The following ABCG8 variants were observed in gnomAD, a reference collection of about 807,000 sequenced individuals.
ABCG8 encodes the protein ATP-binding cassette sub-family G member 8.
ABCG8 carries 81 observed loss-of-function variants against 71.3 expected under a neutral mutation model. That is an observed-to-expected ratio of 1.14 (90% confidence interval 0.95 to 1.37). The LOEUF is 1.37. Among genes scored for constraint, ABCG8 ranks in the 40% most tolerant of loss-of-function variants. ABCG8 has a pLI of 0.00. For synonymous variants in ABCG8, 451 were observed against 354.7 expected (o/e 1.27, Z -3.05); for missense variants, 1,119 against 866.2 (o/e 1.29, Z -3.66).
chr2:43,852,933 C>A, intron 6 of ABCG8, 65 bp downstream of exon 6: 2 of 1,580,834 alleles, frequency 1.3e-6, no homozygotes, highest in Non-Finnish European at 1.7e-6. Flanking sequence ...TTAAACCCTG[C>A]CCAAGCTTGC....
chr2:43,871,181 T>C (rs1273577565), intron 6 of ABCG8, among the ~76,000 whole-genome samples: 1 of 151,884 alleles, frequency 6.6e-6, no homozygotes, highest in Non-Finnish European at 1.5e-5. Context: ...GATAGAACTC[T>C]CCCCATCTGG....
rs1332610880 is a variant in ABCG8, at chr2:43,878,962, C to T, written c.*1049C>T. On this transcript the variant is annotated 3_prime_UTR_variant, in exon 13 of 13. Transcript: ENST00000272286. ...CCTCTTCGCTCGGCTCTCATTCTCT[C>T]TCCCGCTACCCTGTGAAGAGGAGCC... 2 of 152,272 alleles carry T rather than the reference C, an allele frequency of 1.3e-5. No individual in the cohort carries two copies. The highest frequency in any genetic ancestry group is 1.9e-4 in the East Asian group (1 of 5,202). 9.4% of individuals were successfully genotyped at this position (152,272 alleles called of 1,614,324 possible). A position where few individuals can be genotyped will look rare whatever the true frequency, so the allele number is the denominator to read the frequency against.
At chr2:43,870,842 G>GTCTATCTGGATAGAACTCTCACTC (rs1669740009) in intron 6 of ABCG8, among the ~76,000 whole-genome samples, 2 of 148,294 alleles carry the variant, frequency 1.3e-5, no homozygotes, top group South Asian at 4.4e-4. Context: ...AACTCTCACT[G>GTCTATCTGGATAGAACTCTCACTC]TCTATCTGGA....
chr2:43,842,935 C>G (rs1422770435), intron 1 of ABCG8, among the ~76,000 whole-genome samples: 2 of 152,202 alleles, frequency 1.3e-5, no homozygotes, highest in African/African-American at 2.4e-5. Flanking sequence ...TTCCCTCCAC[C>G]TCCACTGACC....
chr2:43,864,644 C>G (rs1402552795), intron 6 of ABCG8, among the ~76,000 whole-genome samples: 1 of 151,736 alleles, frequency 6.6e-6, no homozygotes, highest in Non-Finnish European at 1.5e-5. Flanking sequence ...GGATAGAGCT[C>G]TCACTATCTG....
intron 3 of ABCG8, 105 bp from the exon 4 acceptor site, chr2:43,851,479 C>A (rs948924730): frequency 3.0e-6 from 4 of 1,317,718 alleles, no homozygotes; most frequent in Non-Finnish European, 4.4e-6. Context: ...CACATCTGCA[C>A]GGACAGAGTA....
At chr2:43,867,535 C>T (rs1166396772) in intron 6 of ABCG8, among the ~76,000 whole-genome samples, 1 of 152,008 alleles carries the variant, frequency 6.6e-6, no homozygotes, top group Non-Finnish European at 1.5e-5. Flanking sequence ...TTGTCACCAT[C>T]TGCATGGAAC....
At chr2:43,846,441 A>T in intron 3 of ABCG8, 130 bp downstream of exon 3, 4 of 1,370,158 alleles carry the variant, frequency 2.9e-6, no homozygotes, top group Non-Finnish European at 4.1e-6. Flanking sequence ...GGCTGAGAAC[A>T]CAGGTTCTGG....
intron 6 of ABCG8, among the ~76,000 whole-genome samples, chr2:43,857,319 G>A (rs1256516448): frequency 2.0e-5 from 3 of 151,214 alleles, no homozygotes; most frequent in African/African-American, 7.3e-5. Context: ...TATCTGCATA[G>A]AATTCTTACT....
rs761772096 is a variant in ABCG8 at position 43,873,912 on chromosome 2, T to G, written c.1337T>G (p.Met446Arg). 3.7e-6 allele frequency: 6 copies of G among 1,614,054 alleles called. No individual in the cohort carries two copies. The African/African-American group carries it at 8.0e-5, about 22-fold the overall frequency. The change falls in exon 9 of 13, where the codon ATG (methionine) becomes AGG (arginine). Residue 446 changes from methionine (M) to arginine (R), a missense_variant. Transcript: ENST00000272286. ...CATGGGAGCATCCAGCTCTCCTTCA[T>G]GGATACAGCCGCCCTCTTGTTCATG... ...FGHGSIQLSF[M>R]DTAALLFMIG...
chr2:43,844,269 A>C (rs1668669160), intron 1 of ABCG8, among the ~76,000 whole-genome samples: 2 of 152,130 alleles, frequency 1.3e-5, no homozygotes, highest in Non-Finnish European at 2.9e-5. Context: ...TTCTCTGGGA[A>C]GGTGCCCCGG....
chr2:43,870,331 C>T (rs1669719188), intron 6 of ABCG8, among the ~76,000 whole-genome samples: 1 of 152,156 alleles, frequency 6.6e-6, no homozygotes, highest in Non-Finnish European at 1.5e-5. Context: ...AGAACTCTCA[C>T]TATCTATATG....
At position 43,844,531 on chromosome 2, in the gene ABCG8, T is replaced by G; in HGVS notation, c.88T>G (p.Ser30Ala). 1 of 1,614,142 alleles carries G rather than the reference T, an allele frequency of 6.2e-7. No individual in the cohort carries two copies. The highest frequency in any genetic ancestry group is 8.5e-7 in the Non-Finnish European group (1 of 1,180,012). ...TSGLQDRLFS[S>A]ESDNSLYFTY... Reference sequence around the variant, plus strand: ...GGGCCTCCAGGATAGATTGTTCTCCTCTGAAAGTGACAACAGCCTGTACTT... The same window carrying G: ...GGGCCTCCAGGATAGATTGTTCTCCGCTGAAAGTGACAACAGCCTGTACTT... Residue 30 changes from serine (S) to alanine (A), a missense_variant, in exon 2 of 13, where the codon TCT (serine) becomes GCT (alanine). By Grantham distance (99) the Ser-to-Ala change is moderately conservative. Coordinates refer to ENST00000272286, the MANE Select transcript of ABCG8 (RefSeq NM_022437.3).
chr2:43,842,556 A>G (rs1264673215), intron 1 of ABCG8, among the ~76,000 whole-genome samples: 1 of 151,948 alleles, frequency 6.6e-6, no homozygotes, highest in African/African-American at 2.4e-5. Flanking sequence ...TTGAGGTGGG[A>G]ATGGAACTCT....
Position 43,846,316 on chromosome 2 carries a change from C to T in ABCG8, c.322+5C>T, listed in dbSNP as rs377340438. Reference sequence around the variant, plus strand: ...TGGCCATCATAGGGAGCTCAGGTACCGGAAAGGCAAATCGCTGGGCAATGG... The same window carrying T: ...TGGCCATCATAGGGAGCTCAGGTACTGGAAAGGCAAATCGCTGGGCAATGG... On this transcript the variant is annotated splice_donor_5th_base_variant and intron_variant, in intron 3 of 12. Coordinates refer to ENST00000272286, the MANE Select transcript of ABCG8 (RefSeq NM_022437.3). 3.2e-5 allele frequency: 51 copies of T among 1,613,950 alleles called. 1 individual carries two copies. The East Asian group carries it at 3.3e-4, about 11-fold the overall frequency.
Position 43,850,956 on chromosome 2 carries a change from A to C in ABCG8, c.323-628A>C, listed in dbSNP as rs189827061. Among the ~76,000 whole-genome samples, 1,281 of 152,168 alleles carry C rather than the reference A, an allele frequency of 8.4e-3. 13 individuals carry two copies. Among genetic ancestry groups the C allele is most frequent in the Non-Finnish European group, 0.013 (887 of 68,004 alleles). On this transcript the variant is annotated intron_variant, in intron 3 of 12. Coordinates refer to ENST00000272286, the MANE Select transcript of ABCG8 (RefSeq NM_022437.3). ...AAGTAAAAGTACCACTGATGAAAAGAAGAGAGATGGGTGTAGATACAGTCA... is the reference window on the plus strand; with the variant it reads ...AAGTAAAAGTACCACTGATGAAAAGCAGAGAGATGGGTGTAGATACAGTCA...
At position 43,882,389 on chromosome 2, in the gene ABCG8, C is replaced by G. The variant is rs928324275; in HGVS notation, c.*4476C>G. ...GTGGCTTAGCACAGCATACAGACCA[C>G]TTTCCTTTGGCCCAACCGGCCTTGG... On this transcript the variant is annotated 3_prime_UTR_variant, in exon 13 of 13. Transcript: ENST00000272286. The G allele has an allele frequency of 6.6e-6, 1 of 152,252 alleles. No individual in the cohort carries two copies. Among genetic ancestry groups the G allele is most frequent in the African/African-American group, 2.4e-5 (1 of 41,466 alleles). 9.4% of individuals were successfully genotyped at this position (152,252 alleles called of 1,614,324 possible).
At position 43,851,597 on chromosome 2, in the gene ABCG8, C is replaced by T. The variant is rs1467023364; in HGVS notation, c.336C>T (p.Ala112=). ...AIIGSSGCGR[A]SLLDVITGRG... Reference sequence around the variant, plus strand: ...GTGGCTTTGCAGGTTGTGGGAGAGCCTCCTTGCTAGATGTGATCACTGGCC... The same window carrying T: ...GTGGCTTTGCAGGTTGTGGGAGAGCTTCCTTGCTAGATGTGATCACTGGCC... The change falls in exon 4 of 13, where the codon GCC becomes GCT. Residue 112 remains alanine (A), a synonymous_variant. Transcript: ENST00000272286. 6.2e-7 allele frequency: 1 copy of T among 1,614,210 alleles called. No individual in the cohort carries two copies. Among genetic ancestry groups the T allele is most frequent in the Non-Finnish European group, 8.5e-7 (1 of 1,180,038 alleles).
chr2:43,856,242 C>A (rs1244701021), intron 6 of ABCG8, among the ~76,000 whole-genome samples: 1 of 152,048 alleles, frequency 6.6e-6, no homozygotes, highest in Non-Finnish European at 1.5e-5. Context: ...GGATAGAATT[C>A]TCTCCATCCT....
Sources: allele counts gnomAD v4.1 joint callset (sites outside exome capture counted in the v4.1 genomes callset), GRCh38; gene constraint gnomAD v4.1.1; transcripts MANE v1.5; gene names NCBI Gene and HGNC (gene_info 2026-07-23, HGNC 2026-07-21).